The following ABCA13 variants were observed in gnomAD, a reference collection of about 807,000 sequenced individuals.
The protein encoded by ABCA13 is ATP binding cassette subfamily A member 13.
ABCA13 carries 476 observed loss-of-function variants against 478.7 expected under a neutral mutation model. The observed-to-expected ratio is 0.99, with a 90% CI of 0.92 to 1.07. The LOEUF is 1.07. Ranked by LOEUF, ABCA13 falls within the 50% of genes least tolerant of loss-of-function variation. The pLI, the probability that ABCA13 is intolerant of heterozygous loss-of-function variation, is 0.00. For missense variants in ABCA13, 6,060 were observed against 5,910.6 expected, an observed-to-expected ratio of 1.03 and a Z score of -0.83; for synonymous variants, 2,252 against 2,158.9, an observed-to-expected ratio of 1.04 and a Z score of -1.20.
chr7:48,357,284 C>T (rs1219810737), intron 31 of ABCA13, among the ~76,000 whole-genome samples: 1 of 151,968 alleles, frequency 6.6e-6, no homozygotes, highest in Non-Finnish European at 1.5e-5. Context: ...AAACACCTCT[C>T]TCTTCCATTT....
intron 1 of ABCA13, among the ~76,000 whole-genome samples, chr7:48,180,629 G>A (rs969437631): frequency 7.9e-5 from 12 of 151,922 alleles, no homozygotes; most frequent in Non-Finnish European, 1.6e-4. Flanking sequence ...GTTTCACCCT[G>A]TTGGCCAGGC....
intron 33 of ABCA13, 84 bp from the exon 34 acceptor site, chr7:48,374,263 G>A (rs964121871): frequency 8.7e-6 from 11 of 1,257,626 alleles, no homozygotes; most frequent in African/African-American, 3.1e-5. Context: ...TCATGGCTTC[G>A]CTCCTTGAAT....
intron 31 of ABCA13, among the ~76,000 whole-genome samples, chr7:48,353,801 G>A (rs1809441704): frequency 1.3e-5 from 2 of 151,974 alleles, no homozygotes; most frequent in South Asian, 2.1e-4. Flanking sequence ...GCCTAGTGTG[G>A]TGCGGTGAAC....
chr7:48,471,251 A>T (rs17730090), intron 44 of ABCA13, among the ~76,000 whole-genome samples: 24,168 of 152,264 alleles, frequency 0.16, 2,435 homozygotes, highest in East Asian at 0.23. Flanking sequence ...CAGGAGCCCC[A>T]GCCGCACCGT....
intron 15 of ABCA13, among the ~76,000 whole-genome samples, chr7:48,260,376 T>C (rs977818715): frequency 6.6e-6 from 1 of 152,100 alleles, no homozygotes; most frequent in Admixed American, 6.6e-5. Context: ...CTTTGAGAAA[T>C]CTCCAAACTG....
chr7:48,573,419 G>T (rs1350147729), intron 55 of ABCA13, among the ~76,000 whole-genome samples: 1 of 151,544 alleles, frequency 6.6e-6, no homozygotes, highest in East Asian at 1.9e-4. Context: ...CCACTGTCTG[G>T]GTGCAGTGGC....
intron 51 of ABCA13, among the ~76,000 whole-genome samples, chr7:48,513,462 A>G (rs1019905606): frequency 2.0e-5 from 3 of 152,214 alleles, no homozygotes; most frequent in Non-Finnish European, 4.4e-5. Flanking sequence ...AATGAATGAA[A>G]GAAAACAGAG....
chr7:48,413,314 G>A (rs1819529887), intron 41 of ABCA13, among the ~76,000 whole-genome samples: 1 of 152,192 alleles, frequency 6.6e-6, no homozygotes, highest in East Asian at 1.9e-4. Context: ...CACTGCAGAC[G>A]CCTGGTGAGC....
intron 58 of ABCA13, among the ~76,000 whole-genome samples, chr7:48,606,026 T>C (rs1791428893): frequency 6.6e-6 from 1 of 152,236 alleles, no homozygotes. Context: ...TTGTGCATGC[T>C]TCACGAAGTT....
chr7:48,333,447 G>A lies in ABCA13; in HGVS notation c.10000-1975G>A, dbSNP rs1805719508. 1.3e-5 allele frequency among the ~76,000 whole-genome samples: 2 copies of A among 152,036 alleles called. 1 individual carries two copies. Among genetic ancestry groups the A allele is most frequent in the South Asian group, 4.1e-4 (2 of 4,820 alleles). On this transcript the variant is annotated intron_variant, in intron 27 of 61. Coordinates refer to ENST00000435803, the MANE Select transcript of ABCA13 (RefSeq NM_152701.5). Reference sequence around the variant, plus strand: ...CAATATCTGATGTGTCTCAATATTGGCATCAATTGATTGCTTTTCTTAATT... The same window carrying A: ...CAATATCTGATGTGTCTCAATATTGACATCAATTGATTGCTTTTCTTAATT...
At chr7:48,550,757 G>GTCCA (rs970153639) in intron 55 of ABCA13, among the ~76,000 whole-genome samples, 3 of 150,320 alleles carry the variant, frequency 2.0e-5, no homozygotes, top group South Asian at 4.2e-4. Context: ...CCATCCATCC[G>GTCCA]TCCATCCATC....
At position 48,245,871 on chromosome 7, in the gene ABCA13, G is replaced by A. The variant is rs371467686; in HGVS notation, c.1500G>A (p.Ala500=). Residue 500 remains alanine, a synonymous_variant, in exon 13 of 62, where the codon GCG becomes GCA. Transcript: ENST00000435803. The part of the protein sequence containing the change: ...VFFWELKQML[A]KNAVCPNGRF... The stretch of plus-strand genomic sequence containing the variant: ...TCTTATTAATCTTTTAGATGTTGGC[G>A]AAGAATGCTGTCTGCCCGAATGGTC... 3.6e-4 allele frequency: 578 copies of A among 1,611,224 alleles called. 1 individual carries two copies. The highest frequency in any genetic ancestry group is 4.6e-4 in the Non-Finnish European group (545 of 1,178,640).
At chr7:48,172,885 T>G (rs1010120412) in intron 1 of ABCA13, among the ~76,000 whole-genome samples, 22 of 150,628 alleles carry the variant, frequency 1.5e-4, no homozygotes, top group Non-Finnish European at 2.8e-4. Context: ...TGATTGTTAG[T>G]GTGTTCGTGT....
intron 48 of ABCA13, among the ~76,000 whole-genome samples, chr7:48,494,645 T>G (rs1251803427): frequency 6.6e-6 from 1 of 151,988 alleles, no homozygotes; most frequent in East Asian, 1.9e-4. Context: ...ATTGCATACC[T>G]TGAGAGGGTG....
chr7:48,227,289 A>G lies in ABCA13; in HGVS notation c.496A>G (p.Ile166Val), dbSNP rs762091035. The change falls in exon 6 of 62, where the codon ATA becomes GTA. Residue 166 changes from isoleucine (I) to valine (V), a missense_variant. Around this residue, in one of 3 missense-constraint regions of ABCA13, gnomAD observed 4,423 missense variants for 4,309.1 expected, o/e 1.03. Coordinates refer to ENST00000435803, the MANE Select transcript of ABCA13 (RefSeq NM_152701.5). ...TMDLNKTEEV[I>V]LKLESLHQQP... ...GGATCTCAATAAGACCGAGGAGGTA[A>G]TATTGAAACTGGAAAGCCTCCATCA... 3 of 1,613,846 alleles carry G rather than the reference A, an allele frequency of 1.9e-6. No homozygotes were observed. The South Asian group carries it at 3.3e-5, about 18-fold the overall frequency.
At chr7:48,607,068 G>C (rs549308047) in intron 58 of ABCA13, among the ~76,000 whole-genome samples, 15 of 152,182 alleles carry the variant, frequency 9.9e-5, no homozygotes, top group Non-Finnish European at 2.1e-4. Flanking sequence ...CCAAGCTTGA[G>C]CATCCCAGGT....
chr7:48,472,328 G>A (rs1456548687), intron 45 of ABCA13, among the ~76,000 whole-genome samples: 1 of 152,200 alleles, frequency 6.6e-6, no homozygotes, highest in Non-Finnish European at 1.5e-5. Context: ...AGTGGATGAT[G>A]AGATGCAATT....
chr7:48,229,121 G>A (rs1788681712), intron 6 of ABCA13, among the ~76,000 whole-genome samples: 1 of 152,162 alleles, frequency 6.6e-6, no homozygotes, highest in Admixed American at 6.5e-5. Context: ...CTGTTTGGAA[G>A]CACAGCTTAT....
intron 45 of ABCA13, among the ~76,000 whole-genome samples, chr7:48,477,461 T>G (rs1169790960): frequency 6.6e-6 from 1 of 151,950 alleles, no homozygotes; most frequent in Non-Finnish European, 1.5e-5. Context: ...TGCAGCACTA[T>G]TCACAATAGC....
Sources: gnomAD v4.1 joint callset for allele counts (sites outside exome capture counted in the v4.1 genomes callset) on GRCh38, gnomAD v4.1.1 for gene constraint, gnomAD v4.1.1 regional missense constraint, MANE v1.5 for transcripts, NCBI Gene and HGNC (gene_info 2026-07-23, HGNC 2026-07-21) for gene names.